The following ZNF682 variants were observed in gnomAD, a reference collection of about 807,000 sequenced individuals.
ZNF682 encodes zinc finger protein 682.
In ZNF682, 29 loss-of-function variants were observed where a neutral mutation model predicts 36.5. The ratio of observed to expected loss-of-function variants is 0.80; its 90% CI spans 0.59 to 1.08. ZNF682 has a LOEUF of 1.08. ZNF682 is among the 50% of genes least tolerant of loss of function. The pLI, the probability that ZNF682 is intolerant of heterozygous loss-of-function variation, is 0.00. For missense variants in ZNF682, 561 were observed against 579.7 expected, an observed-to-expected ratio of 0.97 and a Z score of 0.33; for synonymous variants, 180 against 197.0, an observed-to-expected ratio of 0.91 and a Z score of 0.72.
intron 1 of ZNF682, among the ~76,000 whole-genome samples, chr19:20,026,494 C>A (rs1424437861): frequency 2.6e-5 from 4 of 151,984 alleles, no homozygotes; most frequent in African/African-American, 4.8e-5. Context: ...TTGAGACAGT[C>A]TCACTCTATC....
intron 3 of ZNF682, chr19:20,015,248 A>G (rs891339725): frequency 1.3e-5 from 13 of 985,270 alleles, no homozygotes; most frequent in Non-Finnish European, 1.4e-5. Flanking sequence ...AATTTACAAC[A>G]ATTCTCATGA....
intron 3 of ZNF682, among the ~76,000 whole-genome samples, chr19:20,011,695 T>A (rs1465760380): frequency 6.6e-6 from 1 of 151,988 alleles, no homozygotes; most frequent in Non-Finnish European, 1.5e-5. Flanking sequence ...GACTTTTGGG[T>A]AAACAATGAA....
chr19:20,007,272 A>G lies in ZNF682; in HGVS notation c.230T>C (p.Met77Thr). 1 of 1,593,080 alleles carries G rather than the reference A, an allele frequency of 6.3e-7. No homozygotes were observed. The highest frequency in any genetic ancestry group is 1.1e-5 in the South Asian group (1 of 87,510). Reference protein sequence around the residue: ...RHETIAKPPAMSSHYTEDLLP... With the variant: ...RHETIAKPPATSSHYTEDLLP... ...AAGGTCTTCAGTGTAATGAGAAGAC[A>G]TAGCTGAAATATGAAATTAACAAAA... Residue 77 changes from methionine (M) to threonine (T), a missense_variant, in exon 4 of 4, where the codon ATG (methionine) becomes ACG (threonine). By Grantham distance (81) the Met-to-Thr change is moderately conservative. Coordinates refer to ENST00000397165, the MANE Select transcript of ZNF682 (RefSeq NM_033196.3).
chr19:20,024,643 G>A (rs536984530), intron 1 of ZNF682, among the ~76,000 whole-genome samples: 2 of 152,238 alleles, frequency 1.3e-5, no homozygotes, highest in East Asian at 3.9e-4. Context: ...TTTGAGACCA[G>A]CCTGGCCAAC....
At position 20,007,226 on chromosome 19, in the gene ZNF682, T is replaced by C. The variant is rs2088235487; in HGVS notation, c.276A>G (p.Gln92=). ...TEDLLPEQCM[Q]DSFQKVILRR... ...TCAGTATCACTTTTTGGAATGAATC[T>C]TGCATGCACTGTTCTGGCAAAAGGT... Residue 92 remains glutamine (Q), a synonymous_variant, in exon 4 of 4, where the codon CAA becomes CAG. Transcript: ENST00000397165. The C allele has an allele frequency of 6.2e-7, 1 of 1,613,506 alleles. No homozygotes were observed. The highest frequency in any genetic ancestry group is 8.5e-7 in the Non-Finnish European group (1 of 1,179,928).
chr19:20,038,613 T>TAAAAAAA (rs58388624), intron 1 of ZNF682, among the ~76,000 whole-genome samples: 1 of 144,998 alleles, frequency 6.9e-6, no homozygotes, highest in Non-Finnish European at 1.5e-5. Context: ...GTTCCTACAT[T>TAAAAAAA]AAAAAAAAAA....
At chr19:20,014,568 C>T (rs529698217) in intron 3 of ZNF682, among the ~76,000 whole-genome samples, 2 of 150,546 alleles carry the variant, frequency 1.3e-5, no homozygotes, top group South Asian at 4.2e-4. Context: ...TTAGGAGATC[C>T]AGACCATCCT....
In ZNF682 at chr19:20,010,616, G is replaced by A. The variant is rs13344682; in HGVS notation, c.227-3341C>T. ...AGAGGTTTCAGTAAGCTGATATCGC[G>A]CCTGCACTCCAGCCCGGGTGACAGA... On this transcript the variant is annotated intron_variant, in intron 3 of 3. Coordinates refer to ENST00000397165, the MANE Select transcript of ZNF682 (RefSeq NM_033196.3). 3.1e-3 allele frequency among the ~76,000 whole-genome samples: 469 copies of A among 152,044 alleles called. 3 individuals are homozygous for A. Among genetic ancestry groups the A allele is most frequent in the African/African-American group, 0.011 (450 of 41,450 alleles).
intron 3 of ZNF682, among the ~76,000 whole-genome samples, chr19:20,021,196 C>A (rs942953557): frequency 1.3e-5 from 2 of 152,362 alleles, no homozygotes; most frequent in African/African-American, 4.8e-5. Context: ...GGACTGCATG[C>A]AGCCAGCAGG....
chr19:20,003,692 A>G (rs148112338), downstream of ZNF682, among the ~76,000 whole-genome samples: 11,799 of 151,546 alleles, frequency 0.078, 692 homozygotes, highest in East Asian at 0.2. Context: ...GTGACAGAGC[A>G]AGACTCCGTC....
At chr19:20,003,099 G>C (rs2088180815), downstream of ZNF682, among the ~76,000 whole-genome samples, 1 of 143,314 alleles carries the variant, frequency 7.0e-6, no homozygotes, top group Non-Finnish European at 1.5e-5. Flanking sequence ...GCTGAGGCAG[G>C]AGAATGGCGT....
chr19:20,039,408 G>A lies in ZNF682; in HGVS notation c.-63C>T, dbSNP rs546752167. The A allele has an allele frequency of 1.2e-6, 2 of 1,603,892 alleles. No homozygotes were observed. The highest frequency in any genetic ancestry group is 1.7e-5 in the Admixed American group (1 of 59,968). On this transcript the variant is annotated 5_prime_UTR_variant, in exon 1 of 4. Coordinates refer to ENST00000397165, the MANE Select transcript of ZNF682 (RefSeq NM_033196.3). ...GATCTCACAGCATCTGCAAGTCAGA[G>A]GGCAACAGAGGCTGCGACAGTCACC...
In ZNF682 at chr19:20,005,590, T is replaced by C. The variant is rs373277885; in HGVS notation, c.*415A>G. 6.1e-6 allele frequency: 1 copy of C among 163,246 alleles called. No individual in the cohort carries two copies. The highest frequency in any genetic ancestry group is 1.8e-4 in the South Asian group (1 of 5,528). The allele number at this position is 163,246 out of a possible 1,614,324, so 10.1% of individuals were successfully genotyped here. A position where few individuals can be genotyped will look rare whatever the true frequency, so the allele number is the denominator to read the frequency against. On this transcript the variant is annotated 3_prime_UTR_variant, in exon 4 of 4. Coordinates refer to ENST00000397165, the MANE Select transcript of ZNF682 (RefSeq NM_033196.3). Reference sequence around the variant, plus strand: ...TAATGTTTTTCTTCAGTATAAAAACTCTTGTGTACTCTAAGGCTTATATTT... The same window carrying C: ...TAATGTTTTTCTTCAGTATAAAAACCCTTGTGTACTCTAAGGCTTATATTT...
chr19:20,011,021 T>TA (rs963354229), intron 3 of ZNF682, among the ~76,000 whole-genome samples: 2 of 151,520 alleles, frequency 1.3e-5, no homozygotes, highest in Admixed American at 1.3e-4. Context: ...AAATCAGATT[T>TA]AAAAAAAACC....
At chr19:20,015,008 GA>G (rs1290304394) in intron 3 of ZNF682, among the ~76,000 whole-genome samples, 1 of 152,054 alleles carries the variant, frequency 6.6e-6, no homozygotes, top group African/African-American at 2.4e-5. Flanking sequence ...AGTTTCCCAA[GA>G]TAAAAACATG....
chr19:20,022,066 T>A (rs375689655), intron 3 of ZNF682, among the ~76,000 whole-genome samples: 4 of 148,342 alleles, frequency 2.7e-5, no homozygotes, highest in South Asian at 4.3e-4. Context: ...GCTACTTGGG[T>A]GGCTTAGGTG....
chr19:20,010,998 G>A (rs1275476668), intron 3 of ZNF682, among the ~76,000 whole-genome samples: 1 of 151,118 alleles, frequency 6.6e-6, no homozygotes, highest in African/African-American at 2.4e-5. Context: ...TAAAAAAAAA[G>A]ACACAAAGTG....
chr19:19,995,927 C>T (rs1410476184), downstream of ZNF682, among the ~76,000 whole-genome samples: 1 of 152,192 alleles, frequency 6.6e-6, no homozygotes, highest in Non-Finnish European at 1.5e-5. Flanking sequence ...CTTCCCCAGG[C>T]CCACAGTTCC....
Position 20,004,592 on chromosome 19 carries a change from A to G in ZNF682, c.*1413T>C, listed in dbSNP as rs1049981277. The G allele has an allele frequency of 6.6e-6, 1 of 152,228 alleles. No individual in the cohort carries two copies. The highest frequency in any genetic ancestry group is 1.5e-5 in the Non-Finnish European group (1 of 68,034). The allele number at this position is 152,228 out of a possible 1,614,324, so 9.4% of individuals were successfully genotyped here. A position where few individuals can be genotyped will look rare whatever the true frequency, so the allele number is the denominator to read the frequency against. ...ATCTCATGCAGCACTTACAAGTTTT[A>G]TAAGTCAACCACAAAAGTTTCTCTG... On this transcript the variant is annotated 3_prime_UTR_variant, in exon 4 of 4. Transcript: ENST00000397165.
Sources: gnomAD v4.1 joint callset for allele counts (sites outside exome capture counted in the v4.1 genomes callset) on GRCh38, gnomAD v4.1.1 for gene constraint, MANE v1.5 for transcripts, NCBI Gene and HGNC (gene_info 2026-07-23, HGNC 2026-07-21) for gene names.